The following TMEM67 variants were observed in gnomAD, a reference collection of about 807,000 sequenced individuals.
TMEM67 encodes the protein meckelin.
Under a neutral mutation model 136.6 loss-of-function variants are expected in TMEM67, and 124 were observed. That is an observed-to-expected ratio of 0.91 (90% confidence interval 0.78 to 1.05). The LOEUF (loss-of-function observed/expected upper bound fraction) is 1.05. TMEM67 is among the 50% of genes least tolerant of loss of function. TMEM67 has a pLI of 0.00. For synonymous variants in TMEM67, 364 were observed against 390.5 expected (o/e 0.93, Z 0.80); for missense variants, 1,107 against 1,178.4 (o/e 0.94, Z 0.89).
At chr8:93,786,436 C>T in intron 13 of TMEM67, 90 bp downstream of exon 13, 1 of 1,444,184 alleles carries the variant, frequency 6.9e-7, no homozygotes, top group Non-Finnish European at 9.6e-7. Context: ...ATAAGGACAA[C>T]TGAATTGGAA....
intron 7 of TMEM67, among the ~76,000 whole-genome samples, chr8:93,777,858 G>A (rs1233019697): frequency 6.6e-6 from 1 of 152,194 alleles, no homozygotes; most frequent in African/African-American, 2.4e-5. Flanking sequence ...TTCTGTAGGT[G>A]TCTATTAGGT....
chr8:93,829,608 C>G, the TMEM67 span, among the ~76,000 whole-genome samples: 2 of 152,238 alleles, frequency 1.3e-5, no homozygotes, highest in African/African-American at 2.4e-5. Flanking sequence ...GTGGTTCCCA[C>G]AAGAAATGCA....
At chr8:93,802,245 G>C (rs1814900655) in intron 21 of TMEM67, among the ~76,000 whole-genome samples, 1 of 152,138 alleles carries the variant, frequency 6.6e-6, no homozygotes, top group African/African-American at 2.4e-5. Context: ...GTCCATAATA[G>C]CCAATGAAGT....
rs1461777873 is a variant in TMEM67 at position 93,818,036 on chromosome 8, A to T, written c.*1584A>T. On this transcript the variant is annotated 3_prime_UTR_variant, in exon 28 of 28. Transcript: ENST00000453321. ...AATTGGCTTACTTGCTGATAAATTA[A>T]AACAGAAAACATTTAAAATCATTCT... The T allele has an allele frequency of 6.6e-6, 1 of 152,244 alleles. No individual in the cohort carries two copies. The highest frequency in any genetic ancestry group is 1.5e-5 in the Non-Finnish European group (1 of 68,042). 9.4% of individuals were successfully genotyped at this position (152,244 alleles called of 1,614,324 possible).
intron 17 of TMEM67, 133 bp downstream of exon 17, chr8:93,795,640 C>T (rs1030086646): frequency 2.6e-6 from 2 of 775,726 alleles, no homozygotes; most frequent in African/African-American, 3.5e-5. Context: ...CTCCCCATTC[C>T]TTGAGTGTGC....
At chr8:93,826,072 C>A in the TMEM67 span, among the ~76,000 whole-genome samples, 114 of 147,646 alleles carry the variant, frequency 7.7e-4, no homozygotes, top group Non-Finnish European at 9.2e-4. Context: ...TAACTTATTC[C>A]ATAATGATGT....
At chr8:93,796,665 TAA>T (rs964149311) in intron 18 of TMEM67, among the ~76,000 whole-genome samples, 4 of 152,100 alleles carry the variant, frequency 2.6e-5, no homozygotes, top group Non-Finnish European at 4.4e-5. Context: ...GCACATTCTT[TAA>T]AAATCAGAAA....
Position 93,795,898 on chromosome 8 carries a change from T to A in TMEM67, c.1774-3T>A, listed in dbSNP as rs1255478602. The A allele has an allele frequency of 1.3e-6, 2 of 1,578,364 alleles. No individual in the cohort carries two copies. The highest frequency in any genetic ancestry group is 1.7e-6 in the Non-Finnish European group (2 of 1,150,220). On this transcript the variant is annotated splice_region_variant and splice_polypyrimidine_tract_variant and intron_variant, in intron 17 of 27. Transcript: ENST00000453321. ...ATATTTAATCAAGTAATTTTTATTA[T>A]AGGCACAGAAGTCTGTGTCTGTTTT...
chr8:93,758,827 G>A (rs1023224679), intron 3 of TMEM67: 3 of 419,706 alleles, frequency 7.1e-6, no homozygotes, highest in African/African-American at 6.0e-5. Context: ...TTGAACTCCT[G>A]GCCTCGAGAG....
At chr8:93,815,211 G>A (rs1052363729) in intron 26 of TMEM67, 94 bp from the exon 27 acceptor site, 15 of 828,908 alleles carry the variant, frequency 1.8e-5, no homozygotes, top group Non-Finnish European at 2.6e-5. Flanking sequence ...CTAATGTGCT[G>A]TTTTTAAACA....
chr8:93,795,253 A>G (rs1814555265), intron 16 of TMEM67, 156 bp from the exon 17 acceptor site: 2 of 697,290 alleles, frequency 2.9e-6, no homozygotes, highest in African/African-American at 3.5e-5. Context: ...AGGAGGAGGA[A>G]GCAGGTGGTC....
intron 14 of TMEM67, among the ~76,000 whole-genome samples, chr8:93,789,066 A>G (rs983671601): frequency 6.6e-6 from 1 of 152,198 alleles, no homozygotes; most frequent in Non-Finnish European, 1.5e-5. Flanking sequence ...TTCTCTAAAA[A>G]CATGAGAAGT....
chr8:93,802,246 C>T (rs1021799796), intron 21 of TMEM67, among the ~76,000 whole-genome samples: 1 of 152,172 alleles, frequency 6.6e-6, no homozygotes, highest in African/African-American at 2.4e-5. Context: ...TCCATAATAG[C>T]CAATGAAGTT....
intron 6 of TMEM67, among the ~76,000 whole-genome samples, chr8:93,770,381 A>T (rs572642642): frequency 6.6e-6 from 1 of 152,182 alleles, no homozygotes; most frequent in African/African-American, 2.4e-5. Flanking sequence ...TAAAATTAAC[A>T]TAATAGAATT....
the TMEM67 span, among the ~76,000 whole-genome samples, chr8:93,832,123 T>C: frequency 6.6e-6 from 1 of 152,172 alleles, no homozygotes; most frequent in African/African-American, 2.4e-5. Flanking sequence ...TATCATCTTC[T>C]TGGAGTCCCC....
intron 23 of TMEM67, among the ~76,000 whole-genome samples, chr8:93,808,464 T>TATCTATAATAGATCTATTATAG (rs1554559286): frequency 3.3e-5 from 2 of 60,138 alleles, no homozygotes; most frequent in African/African-American, 1.2e-4. Context: ...AATATATATT[T>TATCTATAATAGATCTATTATAG]ATCTATTATA....
downstream of TMEM67, among the ~76,000 whole-genome samples, chr8:93,822,081 G>GA (rs1363213753): frequency 6.6e-6 from 1 of 151,924 alleles, no homozygotes; most frequent in African/African-American, 2.4e-5. Context: ...CTCAATCTGA[G>GA]AAAAAAAATT....
intron 14 of TMEM67, among the ~76,000 whole-genome samples, chr8:93,790,360 C>G (rs1281548455): frequency 6.6e-6 from 1 of 152,200 alleles, no homozygotes; most frequent in African/African-American, 2.4e-5. Context: ...GTCCCTTCCT[C>G]TCTTCCTAAA....
At chr8:93,806,933 C>A (rs1385528059) in intron 23 of TMEM67, among the ~76,000 whole-genome samples, 3 of 151,862 alleles carry the variant, frequency 2.0e-5, no homozygotes, top group Non-Finnish European at 4.4e-5. Flanking sequence ...ATACTTTTAA[C>A]AAATATGACA....
Sources: allele counts gnomAD v4.1 joint callset (sites outside exome capture counted in the v4.1 genomes callset), GRCh38; gene constraint gnomAD v4.1.1; transcripts MANE v1.5; gene names NCBI Gene and HGNC (gene_info 2026-07-23, HGNC 2026-07-21).